Variants in MVK observed in about 807,000 individuals in gnomAD.
MVK encodes the protein mevalonate kinase.
MVK carries 34 observed loss-of-function variants against 43.2 expected under a neutral mutation model. The observed-to-expected ratio is 0.79, with a 90% CI of 0.60 to 1.05. The LOEUF (loss-of-function observed/expected upper bound fraction) is 1.05, where lower values mean the gene tolerates loss of function less well. MVK is among the 50% of genes least tolerant of loss of function. MVK has a pLI of 0.00. For missense variants in MVK, 395 were observed against 504.0 expected (o/e 0.78, Z 2.07); for synonymous variants, 190 against 219.8 (o/e 0.86, Z 1.20).
rs376323791 is a variant in MVK, at chr12:109,579,872, C to T, written c.297C>T (p.Asp99=). The change falls in exon 4 of 11, where the codon GAC becomes GAT. Residue 99 remains aspartate (D), a synonymous_variant. Transcript: ENST00000228510. The part of the protein sequence containing the change: ...EKLKEVAGLP[D]DCAVTERLAV... ...TAAAGGAGGTTGCAGGCTTGCCTGA[C>T]GACTGTGCTGTCACCGAGCGCCTGG... is the stretch of plus-strand genomic sequence containing the variant. 156 of 1,614,114 alleles carry T rather than the reference C, an allele frequency of 9.7e-5. No individual in the cohort carries two copies. Among genetic ancestry groups the T allele is most frequent in the Non-Finnish European group, 1.2e-4 (147 of 1,180,056 alleles).
At chr12:109,594,376 T>C (rs1885822007) in intron 9 of MVK, among the ~76,000 whole-genome samples, 1 of 152,254 alleles carries the variant, frequency 6.6e-6, no homozygotes, top group Non-Finnish European at 1.5e-5. Flanking sequence ...TCCCTGCTTA[T>C]GGCCTTGCTG....
chr12:109,583,281 A>G (rs1885304746), intron 5 of MVK, among the ~76,000 whole-genome samples: 2 of 151,532 alleles, frequency 1.3e-5, no homozygotes, highest in South Asian at 4.2e-4. Flanking sequence ...CCAGAGTGTG[A>G]TGTTCCCCTT....
At chr12:109,592,385 G>A (rs961519418) in intron 9 of MVK, among the ~76,000 whole-genome samples, 3 of 152,184 alleles carry the variant, frequency 2.0e-5, no homozygotes, top group Non-Finnish European at 4.4e-5. Flanking sequence ...TGAGAGGATC[G>A]GGTGGCCCCT....
chr12:109,580,205 T>C (rs746888925), intron 4 of MVK, among the ~76,000 whole-genome samples: 7 of 152,156 alleles, frequency 4.6e-5, no homozygotes, highest in Non-Finnish European at 1.0e-4. Context: ...CAGGCTCAAG[T>C]GATCCTTCCA....
chr12:109,591,094 A>G, intron 8 of MVK, 147 bp from the exon 9 acceptor site: 1 of 951,064 alleles, frequency 1.1e-6, no homozygotes, highest in Non-Finnish European at 1.7e-6. Context: ...GGGAAGGCAA[A>G]AAAACAGGCT....
At position 109,591,339 on chromosome 12, in the gene MVK, G is replaced by T; in HGVS notation, c.867G>T (p.Glu289Asp). The change falls in exon 9 of 11, where the codon GAG becomes GAT. Residue 289 changes from glutamate (E) to aspartate (D), a missense_variant. By Grantham distance (45) the Glu-to-Asp change is conservative. Transcript: ENST00000228510. ...AGATGGGGGAAGCCCCAGCCCCGGA[G>T]CAGTACCTCGTGCTGGAAGTAAGAG... ...LGEMGEAPAP[E>D]QYLVLEELID... The T allele has an allele frequency of 3.7e-6, 6 of 1,614,204 alleles. No individual in the cohort carries two copies. The highest frequency in any genetic ancestry group is 4.2e-6 in the Non-Finnish European group (5 of 1,180,044).
At chr12:109,582,123 C>A (rs1406848122) in intron 5 of MVK, among the ~76,000 whole-genome samples, 1 of 152,200 alleles carries the variant, frequency 6.6e-6, no homozygotes, top group Non-Finnish European at 1.5e-5. Flanking sequence ...GTCAGTGAGG[C>A]CTGTCCAGAC....
chr12:109,591,462 T>C (rs890617494), intron 9 of MVK, 105 bp downstream of exon 9: 26 of 1,125,004 alleles, frequency 2.3e-5, no homozygotes, highest in African/African-American at 7.7e-5. Flanking sequence ...AGCTAGCACA[T>C]AGAGGTCAGG....
intron 3 of MVK, among the ~76,000 whole-genome samples, chr12:109,578,115 G>A (rs1241807688): frequency 2.0e-5 from 3 of 152,178 alleles, no homozygotes; most frequent in African/African-American, 7.2e-5. Context: ...CTGGAGGCAG[G>A]CATTAGGGGT....
chr12:109,573,734 G>A, upstream of MVK: 2 of 556,340 alleles, frequency 3.6e-6, no homozygotes, highest in Admixed American at 3.0e-5. Flanking sequence ...GGTACTCCGG[G>A]CTCGCGCGCT....
Position 109,597,202 on chromosome 12 carries a change from C to G in MVK, c.*625C>G, listed in dbSNP as rs1376159646. On this transcript the variant is annotated 3_prime_UTR_variant, in exon 11 of 11. Coordinates refer to ENST00000228510, the MANE Select transcript of MVK (RefSeq NM_000431.4). ...GGGTTTATATGCACTTTCTTCCGAT[C>G]TGTACCTGAGAGGTTTGTGGAAAAG... 5.9e-6 allele frequency: 1 copy of G among 169,126 alleles called. No homozygotes were observed. Among genetic ancestry groups the G allele is most frequent in the Non-Finnish European group, 1.3e-5 (1 of 77,082 alleles). The allele number at this position is 169,126 out of a possible 1,614,324, so 10.5% of individuals were successfully genotyped here.
At chr12:109,586,244 A>G in intron 6 of MVK, 119 bp downstream of exon 6, 1 of 875,258 alleles carries the variant, frequency 1.1e-6, no homozygotes, top group Non-Finnish European at 1.9e-6. Flanking sequence ...TCTGGAAAAA[A>G]TAGCATTTTC....
intron 3 of MVK, among the ~76,000 whole-genome samples, chr12:109,576,826 G>A (rs1884977619): frequency 1.3e-5 from 2 of 149,876 alleles, no homozygotes; most frequent in Admixed American, 1.3e-4. Context: ...AGCCAAGATT[G>A]CGCCATTGCA....
chr12:109,573,291 G>C, upstream of MVK: 1 of 1,608,992 alleles, frequency 6.2e-7, no homozygotes, highest in Non-Finnish European at 8.5e-7. Context: ...TACCCATGGC[G>C]ACGACACCAC....
intron 9 of MVK, among the ~76,000 whole-genome samples, chr12:109,592,741 G>A (rs1885738796): frequency 6.6e-6 from 1 of 152,170 alleles, no homozygotes; most frequent in South Asian, 2.1e-4. Flanking sequence ...CGACGGACTG[G>A]TCTGTCCCTT....
intron 7 of MVK, chr12:109,589,585 GT>G (rs946941172): frequency 6.8e-6 from 1 of 147,736 alleles, no homozygotes; most frequent in African/African-American, 2.5e-5. Flanking sequence ...CTTTTGTAAA[GT>G]TAAAAAAAAA....
chr12:109,576,473 C>T (rs1027975675), intron 3 of MVK, among the ~76,000 whole-genome samples: 80 of 151,840 alleles, frequency 5.3e-4, no homozygotes, highest in Middle Eastern at 3.4e-3. Context: ...ATCAGATTGG[C>T]AGTGGTGATT....
rs1254299608 is a variant in MVK, at chr12:109,581,337, G to A, written c.372-58G>A. ...AGGCCTGGGCCTGGCCCCTGGTTCA[G>A]TGCTGGCACCCCACTGCCCTGCGGG... On this transcript the variant is annotated intron_variant, in intron 4 of 10. Coordinates refer to ENST00000228510, the MANE Select transcript of MVK (RefSeq NM_000431.4). 2.5e-6 allele frequency: 4 copies of A among 1,610,030 alleles called. No individual in the cohort carries two copies. In the African/African-American group the frequency reaches 5.3e-5, roughly 22 times the overall value.
At chr12:109,576,424 A>G (rs1297589543) in intron 3 of MVK, among the ~76,000 whole-genome samples, 3 of 152,318 alleles carry the variant, frequency 2.0e-5, no homozygotes, top group Middle Eastern at 3.4e-3. Context: ...AAGTATAAAT[A>G]TGTGTATAAA....
Sources: allele counts gnomAD v4.1 joint callset (sites outside exome capture counted in the v4.1 genomes callset), GRCh38; gene constraint gnomAD v4.1.1; transcripts MANE v1.5; gene names NCBI Gene and HGNC (gene_info 2026-07-23, HGNC 2026-07-21).